ASPM: variants seen among roughly 807,000 people sequenced by gnomAD.
ASPM encodes abnormal spindle-like microcephaly-associated protein.
ASPM carries 256 observed loss-of-function variants against 366.4 expected under a neutral mutation model. That is an observed-to-expected ratio of 0.70 (90% CI 0.63 to 0.77). ASPM has a LOEUF of 0.77. ASPM is among the 30% of genes least tolerant of loss of function. The probability of loss-of-function intolerance (pLI) is 0.00; values close to 1 mark genes in which losing one functional copy is unlikely to be tolerated. For missense variants in ASPM, 4,146 were observed against 4,090.4 expected, an observed-to-expected ratio of 1.01 and a Z score of -0.37; for synonymous variants, 1,414 against 1,342.9, an observed-to-expected ratio of 1.05 and a Z score of -1.16.
At chr1:197,132,134 G>A (rs565294065) in intron 7 of ASPM, 151 bp downstream of exon 7, 39 of 575,788 alleles carry the variant, frequency 6.8e-5, no homozygotes, top group African/African-American at 4.7e-4. Context: ...ATTTATTAAC[G>A]GGTATTACAT....
chr1:197,125,798 AAGAC>A lies in ASPM; in HGVS notation c.2937-611_2937-608del, dbSNP rs770609862. ...CGAATATTTGAGTATCTACCTAACA[AAGAC>A]AGAAAAAGCAAACCCCAACTGATTT... On this transcript the variant is annotated intron_variant, in intron 10 of 27. Transcript: ENST00000367409. 2.0e-4 allele frequency among the ~76,000 whole-genome samples: 31 copies of A among 152,226 alleles called. No homozygotes were observed. The East Asian group carries it at 2.1e-3, about 10-fold the overall frequency.
rs150693502 is a variant in ASPM at position 197,103,754 on chromosome 1, A to T, written c.5497T>A (p.Ser1833Thr). Residue 1833 changes from serine to threonine, a missense_variant, in exon 18 of 28, where the codon TCT (serine) becomes ACT (threonine). By Grantham distance (58) the Ser-to-Thr change is moderately conservative. Coordinates refer to ENST00000367409, the MANE Select transcript of ASPM (RefSeq NM_018136.5). ...CTTTTATTATAGCCTCTAAAAGCAG[A>T]CTGAATTTTAAGAGCAGCTATAGAT... ...QQSIAALKIQ[S>T]AFRGYNKRVK... 1.4e-5 allele frequency: 23 copies of T among 1,612,734 alleles called. No individual in the cohort carries two copies. In the African/African-American group the frequency reaches 2.7e-4, roughly 19 times the overall value.
chr1:197,121,876 T>C, intron 16 of ASPM, 39 bp downstream of exon 16: 21 of 1,565,604 alleles, frequency 1.3e-5, no homozygotes, highest in Non-Finnish European at 1.8e-5. Context: ...CCTTCTAAAG[T>C]ATAATTCACA....
At chr1:197,093,904 G>A (rs1476758735) in intron 20 of ASPM, among the ~76,000 whole-genome samples, 180 bp downstream of exon 20, 1 of 151,692 alleles carries the variant, frequency 6.6e-6, no homozygotes, top group African/African-American at 2.4e-5. Context: ...TATTTTTATG[G>A]GAGAATATAA....
chr1:197,113,971 T>C (rs990883145), intron 17 of ASPM, among the ~76,000 whole-genome samples: 4 of 152,184 alleles, frequency 2.6e-5, no homozygotes, highest in Admixed American at 1.3e-4. Context: ...GTCATGTGAA[T>C]GGTCATAAAC....
chr1:197,130,796 C>A (rs1448814960), intron 7 of ASPM, among the ~76,000 whole-genome samples: 5 of 152,154 alleles, frequency 3.3e-5, no homozygotes. Context: ...ATCCCCACCA[C>A]CTGCCATAAA....
intron 10 of ASPM, among the ~76,000 whole-genome samples, chr1:197,127,743 A>G (rs189786955): frequency 1.4e-4 from 21 of 152,348 alleles, no homozygotes; most frequent in Non-Finnish European, 2.9e-4. Flanking sequence ...TTATGTCTCA[A>G]TTCCACTGTG....
Position 197,139,725 on chromosome 1 carries a change from G to A in ASPM, c.2026+42C>T, listed in dbSNP as rs762464331. 1.0e-5 allele frequency: 14 copies of A among 1,387,198 alleles called. No homozygotes were observed. The African/African-American group carries it at 1.1e-4, about 11-fold the overall frequency. 85.9% of individuals were successfully genotyped at this position (1,387,198 alleles called of 1,614,324 possible). On this transcript the variant is annotated intron_variant, in intron 4 of 27. Transcript: ENST00000367409. ...GTGAAATGCAATTAATGCTTCATTC[G>A]ATGTCATGTTTTCAGAGAGTTTAAG... is the stretch of plus-strand genomic sequence containing the variant.
intron 26 of ASPM, among the ~76,000 whole-genome samples, chr1:197,087,894 A>G (rs1383641367): frequency 6.6e-6 from 1 of 152,190 alleles, no homozygotes; most frequent in Non-Finnish European, 1.5e-5. Flanking sequence ...TGACACTTAA[A>G]AAGAATGACT....
Position 197,104,117 on chromosome 1 carries a change from A to T in ASPM, c.5134T>A (p.Tyr1712Asn). ...TGTGCAGCTATTTTTTTGGAACGGT[A>T]ACATTGCTGGATAAATAGTGCAGCT... ...RAAALFIQQC[Y>N]RSKKIAAQKR... The change falls in exon 18 of 28, where the codon TAC becomes AAC. Residue 1712 changes from tyrosine to asparagine, a missense_variant. By Grantham distance (143) the Tyr-to-Asn change is moderately radical (BLOSUM62 -2). This residue lies in a region of ASPM where 3,624 missense variants were observed against 3,591.7 expected (regional missense o/e 1.01). Coordinates refer to ENST00000367409, the MANE Select transcript of ASPM (RefSeq NM_018136.5). The T allele has an allele frequency of 6.2e-7, 1 of 1,613,004 alleles. No individual in the cohort carries two copies. The highest frequency in any genetic ancestry group is 2.2e-5 in the East Asian group (1 of 44,820).
At chr1:197,095,571 A>G (rs1242825411) in intron 19 of ASPM, among the ~76,000 whole-genome samples, 1 of 151,760 alleles carries the variant, frequency 6.6e-6, no homozygotes, top group Non-Finnish European at 1.5e-5. Context: ...CATTAATGAC[A>G]AAGAGTATGA....
At position 197,101,277 on chromosome 1, in the gene ASPM, G is replaced by T. The variant is rs758056373; in HGVS notation, c.7974C>A (p.Tyr2658Ter). Residue 2658 changes from tyrosine to a stop codon, truncating the protein, a stop_gained, in exon 18 of 28, where the codon TAC becomes TAA. Transcript: ENST00000367409. LOFTEE classifies it high-confidence loss of function. ...RATVVSIQRR[Y>*]RKLTAVRTQA... ...GGGTACGCACTGCAGTTAGTTTTCT[G>T]TATCTTCTTTGAATAGAAACTACTG... 3.7e-6 allele frequency: 6 copies of T among 1,611,808 alleles called. No homozygotes were observed. In the South Asian group the frequency reaches 5.5e-5, roughly 15 times the overall value.
At chr1:197,112,661 G>C (rs1053252630) in intron 17 of ASPM, among the ~76,000 whole-genome samples, 4 of 152,058 alleles carry the variant, frequency 2.6e-5, no homozygotes, top group Non-Finnish European at 5.9e-5. Context: ...GAATGCAACT[G>C]TTTGTCTCTC....
rs572171706 is a variant in ASPM at position 197,133,229 on chromosome 1, T to C, written c.2419+121A>G. ...ATACATATATCAACATCATGTTGTA[T>C]ACCTTAAATATATGCCAGTTTTACC... On this transcript the variant is annotated intron_variant, in intron 6 of 27. Transcript: ENST00000367409. 1.6e-5 allele frequency: 16 copies of C among 999,882 alleles called. No individual in the cohort carries two copies. The South Asian group carries it at 2.2e-4, about 14-fold the overall frequency. 61.9% of individuals were successfully genotyped at this position (999,882 alleles called of 1,614,324 possible). A position where few individuals can be genotyped will look rare whatever the true frequency, so the allele number is the denominator to read the frequency against.
chr1:197,113,232 A>C (rs1424232140), intron 17 of ASPM, among the ~76,000 whole-genome samples: 1 of 152,062 alleles, frequency 6.6e-6, no homozygotes, highest in African/African-American at 2.4e-5. Flanking sequence ...AGTCAGAGGG[A>C]AGTGTGGGTT....
At chr1:197,093,370 T>C (rs1656851543) in intron 20 of ASPM, 109 bp from the exon 21 acceptor site, 3 of 896,824 alleles carry the variant, frequency 3.3e-6, no homozygotes, top group Non-Finnish European at 5.5e-6. Flanking sequence ...TGATTTATAG[T>C]CTAAGAATGC....
In ASPM at chr1:197,135,214, A is replaced by G; in HGVS notation, c.2055T>C (p.Ala685=). 6.2e-7 allele frequency: 1 copy of G among 1,614,026 alleles called. No homozygotes were observed. The highest frequency in any genetic ancestry group is 1.1e-5 in the South Asian group (1 of 91,082). The change falls in exon 5 of 28, where the codon GCT becomes GCC. Residue 685 remains alanine (A), a synonymous_variant. Transcript: ENST00000367409. The stretch of plus-strand genomic sequence containing the variant: ...GTTCATCATAAAACATGTTTTTTGC[A>G]GCAAATGGCATCGGGTGTCTGGGAA... ...TDIPRHPMPF[A]AKNMFYDERW...
At position 197,143,285 on chromosome 1, in the gene ASPM, T is replaced by C. The variant is rs1261241115; in HGVS notation, c.967A>G (p.Asn323Asp). The change falls in exon 3 of 28, where the codon AAT (asparagine) becomes GAT (aspartate). Residue 323 changes from asparagine (N) to aspartate (D), a missense_variant. Asn to Asp is a conservative substitution (Grantham distance 23). This residue lies in a region of ASPM where 512 missense variants were observed against 471.7 expected (regional missense o/e 1.09). Coordinates refer to ENST00000367409, the MANE Select transcript of ASPM (RefSeq NM_018136.5). ...IHFLSPDSFV[N>D]NSHGANNELE... The stretch of plus-strand genomic sequence containing the variant: ...TCATTATTAGCTCCATGACTATTAT[T>C]TACAAAAGAATCTGGACTTAGAAAA... The C allele has an allele frequency of 1.2e-6, 2 of 1,613,578 alleles. No homozygotes were observed. Among genetic ancestry groups the C allele is most frequent in the Admixed American group, 3.3e-5 (2 of 60,008 alleles).
Position 197,102,305 on chromosome 1 carries a change from TA to T in ASPM, c.6945del (p.Ile2316LeufsTer11). 6.2e-7 allele frequency: 1 copy of T among 1,612,842 alleles called. No individual in the cohort carries two copies. The highest frequency in any genetic ancestry group is 8.5e-7 in the Non-Finnish European group (1 of 1,179,286). On this transcript the variant is annotated frameshift_variant, in exon 18 of 28. Coordinates refer to ENST00000367409, the MANE Select transcript of ASPM (RefSeq NM_018136.5). LOFTEE classifies it high-confidence loss of function. ...HLQFLQVQNA[V>X]IKIQSSYRRW... is the part of the protein sequence containing the mutation. ...CTTCTGTATGATGACTGGATTTTAA[TA>T]ACTGCATTTTGTACCTGAAGGAACT...
Sources: allele counts gnomAD v4.1 joint callset (sites outside exome capture counted in the v4.1 genomes callset), GRCh38; gene constraint gnomAD v4.1.1; regional missense constraint gnomAD v4.1.1; transcripts MANE v1.5; gene names NCBI Gene and HGNC (gene_info 2026-07-23, HGNC 2026-07-21).